The following GCC2 variants were observed in gnomAD, a reference collection of about 807,000 sequenced individuals.
GCC2 encodes the protein GRIP and coiled-coil domain containing 2, also known as GRIP and coiled-coil domain-containing protein 2.
GCC2 carries 120 observed loss-of-function variants against 210.6 expected under a neutral mutation model. The ratio of observed to expected loss-of-function variants is 0.57; its 90% CI spans 0.49 to 0.66. The LOEUF (loss-of-function observed/expected upper bound fraction) is 0.66. Among genes scored for constraint, GCC2 ranks in the 30% least tolerant of loss-of-function variants. The pLI, the probability that GCC2 is intolerant of heterozygous loss-of-function variation, is 0.00. For missense variants in GCC2, 1,868 were observed against 1,871.9 expected, an observed-to-expected ratio of 1.00 and a Z score of 0.04; for synonymous variants, 703 against 652.7, an observed-to-expected ratio of 1.08 and a Z score of -1.17.
intron 21 of GCC2, 98 bp downstream of exon 21, chr2:108,497,207 C>T: frequency 6.3e-7 from 1 of 1,589,344 alleles, no homozygotes; most frequent in South Asian, 1.1e-5. Context: ...AGCTCCACCT[C>T]CCAGGTTCAC....
chr2:108,449,311 C>G (rs1212788692), intron 1 of GCC2, 31 bp downstream of exon 1: 1 of 1,545,726 alleles, frequency 6.5e-7, no homozygotes, highest in Admixed American at 2.0e-5. Flanking sequence ...TGCCTCCCAT[C>G]AAGCCTTCCG....
chr2:108,497,607 T>C (rs549824927), intron 21 of GCC2, among the ~76,000 whole-genome samples: 30 of 152,330 alleles, frequency 2.0e-4, no homozygotes, highest in Admixed American at 1.6e-3. Context: ...TCAACTGATA[T>C]TTATAGTACT....
intron 22 of GCC2, 121 bp from the exon 23 acceptor site, chr2:108,507,439 A>G: frequency 1.4e-5 from 7 of 503,202 alleles, no homozygotes; most frequent in Non-Finnish European, 1.9e-5. Context: ...TGTAATCAGT[A>G]AAAAACACAT....
intron 21 of GCC2, among the ~76,000 whole-genome samples, chr2:108,497,678 A>C (rs1573233562): frequency 6.6e-6 from 1 of 152,136 alleles, no homozygotes; most frequent in African/African-American, 2.4e-5. Flanking sequence ...TTTCCTGTTT[A>C]AAGTAGACAC....
In GCC2 at chr2:108,487,992, G is replaced by A. The variant is rs147312918; in HGVS notation, c.4052+172G>A. Among the ~76,000 whole-genome samples the A allele has an allele frequency of 8.8e-3, 1,282 of 145,866 alleles. 17 individuals carry two copies. The highest frequency in any genetic ancestry group is 0.031 in the African/African-American group (1,212 of 39,174). ...TGCAATCTCAGCTCACTGCCACTTC[G>A]CTTCCCGGGTTCAAGGGATTCTCCT... On this transcript the variant is annotated intron_variant, in intron 17 of 22. Coordinates refer to ENST00000309863, the MANE Select transcript of GCC2 (RefSeq NM_181453.4).
intron 4 of GCC2, among the ~76,000 whole-genome samples, chr2:108,464,258 G>T (rs1047513757): frequency 7.9e-5 from 12 of 152,300 alleles, no homozygotes; most frequent in Admixed American, 5.2e-4. Flanking sequence ...CACAGCAGCT[G>T]CAGGCAGTGG....
intron 4 of GCC2, among the ~76,000 whole-genome samples, chr2:108,455,567 G>T (rs1680232264): frequency 6.8e-6 from 1 of 146,978 alleles, no homozygotes; most frequent in Non-Finnish European, 1.5e-5. Flanking sequence ...TTTGTTAAAT[G>T]CACAGAATAT....
chr2:108,503,204 G>C (rs1189584947), intron 22 of GCC2, among the ~76,000 whole-genome samples: 5 of 151,488 alleles, frequency 3.3e-5, no homozygotes, highest in African/African-American at 9.7e-5. Context: ...AGTCACATAA[G>C]AGTAAAACTG....
intron 4 of GCC2, chr2:108,462,459 A>G (rs958047306): frequency 2.0e-5 from 3 of 146,812 alleles, no homozygotes; most frequent in African/African-American, 7.5e-5. Context: ...ATGCCACTGC[A>G]CTCCAGCCTG....
chr2:108,473,537 T>C (rs1481415769), intron 7 of GCC2, among the ~76,000 whole-genome samples: 2 of 152,188 alleles, frequency 1.3e-5, no homozygotes, highest in African/African-American at 4.8e-5. Context: ...GGACTTTATC[T>C]TATCCATTTA....
At chr2:108,449,392 C>T (rs754703520) in intron 1 of GCC2, 112 bp downstream of exon 1, 18 of 1,466,562 alleles carry the variant, frequency 1.2e-5, no homozygotes, top group Admixed American at 2.5e-5. Context: ...TGTCCCGAAG[C>T]CCGCGCTGCT....
chr2:108,499,135 G>T (rs995442286), intron 21 of GCC2, among the ~76,000 whole-genome samples: 1 of 143,408 alleles, frequency 7.0e-6, no homozygotes, highest in Non-Finnish European at 1.5e-5. Context: ...CTCTTCATCT[G>T]TTTCTCGTGA....
At chr2:108,462,856 T>A (rs1478686760) in intron 4 of GCC2, among the ~76,000 whole-genome samples, 1 of 150,222 alleles carries the variant, frequency 6.7e-6, no homozygotes, top group East Asian at 2.0e-4. Context: ...AGCCACCGCA[T>A]CTGGCCGACT....
Position 108,472,983 on chromosome 2 carries a change from AAAT to A in GCC2, c.2860+88_2860+90del, listed in dbSNP as rs764167375. The A allele has an allele frequency of 6.5e-6, 5 of 765,996 alleles. No individual in the cohort carries two copies. The South Asian group carries it at 8.9e-5, about 14-fold the overall frequency. 47.4% of individuals were successfully genotyped at this position (765,996 alleles called of 1,614,324 possible). A position where few individuals can be genotyped will look rare whatever the true frequency, so the allele number is the denominator to read the frequency against. ...GAATAGATTGGGAAATATAGTAGCC[AAAT>A]AATGAGTTGTTAAAAACACAGTTCG... On this transcript the variant is annotated intron_variant, in intron 7 of 22. Coordinates refer to ENST00000309863, the MANE Select transcript of GCC2 (RefSeq NM_181453.4).
intron 9 of GCC2, among the ~76,000 whole-genome samples, chr2:108,477,063 A>C (rs555727539): frequency 1.9e-4 from 29 of 152,342 alleles, no homozygotes; most frequent in African/African-American, 7.0e-4. Context: ...TATAAATTCT[A>C]AGAGAAATTC....
chr2:108,461,472 A>G (rs1425486870), intron 4 of GCC2, among the ~76,000 whole-genome samples: 1 of 151,982 alleles, frequency 6.6e-6, no homozygotes, highest in African/African-American at 2.4e-5. Context: ...GTATTATTTC[A>G]CTATTTCACT....
intron 9 of GCC2, among the ~76,000 whole-genome samples, chr2:108,476,054 CTTTTTTTTTTT>C (rs56236751): frequency 4.5e-4 from 43 of 96,308 alleles, no homozygotes; most frequent in Admixed American, 6.0e-4. Context: ...TAGTGGCTTG[CTTTTTTTTTTT>C]TTTTTTTTTT....
At chr2:108,482,137 C>G in intron 10 of GCC2, 150 bp from the exon 11 acceptor site, 1 of 569,284 alleles carries the variant, frequency 1.8e-6, no homozygotes, top group East Asian at 3.0e-5. Context: ...GATTTTAAAA[C>G]TGATTCTTAA....
At chr2:108,507,537 T>TG in intron 22 of GCC2, 23 bp from the exon 23 acceptor site, 1 of 1,517,066 alleles carries the variant, frequency 6.6e-7, no homozygotes, top group South Asian at 1.2e-5. Context: ...TTTTTCTTTT[T>TG]TTTTTTGTTT....
Sources: allele counts gnomAD v4.1 joint callset (sites outside exome capture counted in the v4.1 genomes callset), GRCh38; gene constraint gnomAD v4.1.1; transcripts MANE v1.5; gene names NCBI Gene and HGNC (gene_info 2026-07-23, HGNC 2026-07-21).